Variants in CDK14 observed in about 807,000 individuals in gnomAD.
CDK14 encodes the protein cyclin dependent kinase 14.
A neutral mutation model predicts 60.7 loss-of-function variants in CDK14; 34 were observed. The ratio of observed to expected loss-of-function variants is 0.56; its 90% confidence interval spans 0.43 to 0.75. The LOEUF (loss-of-function observed/expected upper bound fraction) is 0.75. CDK14 is among the 30% of genes least tolerant of loss of function. The probability of loss-of-function intolerance (pLI) is 0.00; values close to 1 mark genes in which losing one functional copy is unlikely to be tolerated. For missense variants in CDK14, 482 were observed against 564.1 expected (o/e 0.85, Z 1.47); for synonymous variants, 197 against 203.7 (o/e 0.97, Z 0.28).
rs374092657 is a variant in CDK14 at position 91,086,573 on chromosome 7, A to G, written c.1154+7093A>G. ...AGGCTCAGCTTCCTGTTCATCACAT[A>G]TGAGATGCTATTGAGAGGGGCTCCA... On this transcript the variant is annotated intron_variant, in intron 12 of 14. Coordinates refer to ENST00000380050, the MANE Select transcript of CDK14 (RefSeq NM_001287135.2). Among the ~76,000 whole-genome samples, 4 of 152,064 alleles carry G rather than the reference A, an allele frequency of 2.6e-5. No homozygotes were observed. In the South Asian group the frequency reaches 6.2e-4, roughly 24 times the overall value.
chr7:90,711,882 A>ACTTTTTT lies in CDK14; in HGVS notation c.124-14685_124-14684insCTTTTTT, dbSNP rs1408956904. On this transcript the variant is annotated intron_variant, in intron 2 of 14. Transcript: ENST00000380050. Reference sequence around the variant, plus strand: ...GTTCTTATGGAACTTATAGTCTACTATGTTTTTTTTTTTTTTTTTCAATTG... The same window carrying ACTTTTTT: ...GTTCTTATGGAACTTATAGTCTACTACTTTTTTTGTTTTTTTTTTTTTTTTTCAATTG... Among the ~76,000 whole-genome samples the ACTTTTTT allele has an allele frequency of 2.7e-5, 3 of 110,820 alleles. 1 individual carries two copies. Among genetic ancestry groups the ACTTTTTT allele is most frequent in the African/African-American group, 6.7e-5 (2 of 29,952 alleles). The allele number at this position is 110,820 out of a possible 152,430, so 72.7% of individuals were successfully genotyped here. A position where few individuals can be genotyped will look rare whatever the true frequency, so the allele number is the denominator to read the frequency against.
At chr7:91,105,361 T>C (rs183784323) in intron 12 of CDK14, among the ~76,000 whole-genome samples, 3 of 152,340 alleles carry the variant, frequency 2.0e-5, no homozygotes, top group East Asian at 1.9e-4. Context: ...GCCCCAGTAA[T>C]GGACTCAGAA....
chr7:90,893,972 T>C (rs964903295), intron 6 of CDK14, among the ~76,000 whole-genome samples: 1 of 152,186 alleles, frequency 6.6e-6, no homozygotes, highest in African/African-American at 2.4e-5. Flanking sequence ...AGAACACATA[T>C]GTAAAGATTA....
intron 2 of CDK14, among the ~76,000 whole-genome samples, chr7:90,659,160 G>A (rs1025693720): frequency 2.0e-5 from 3 of 152,148 alleles, no homozygotes; most frequent in Admixed American, 6.5e-5. Context: ...AAACCTATAC[G>A]TTGGTTGGTC....
intron 11 of CDK14, among the ~76,000 whole-genome samples, chr7:91,072,876 A>T (rs1047932366): frequency 6.6e-6 from 1 of 152,042 alleles, no homozygotes; most frequent in Non-Finnish European, 1.5e-5. Flanking sequence ...AAGCATACAC[A>T]AGTATCAATA....
rs1478352919 is a variant in CDK14, at chr7:90,812,720, T to TTAC, written c.544+22070_544+22072dup. ...GAAAATTAAAAACCACAGTGAGCTA[T>TTAC]TACTGCACACCCAGTATAACGGTTA... On this transcript the variant is annotated intron_variant, in intron 5 of 14. Transcript: ENST00000380050. Among the ~76,000 whole-genome samples, 7 of 152,312 alleles carry TTAC rather than the reference T, an allele frequency of 4.6e-5. No individual in the cohort carries two copies. The South Asian group carries it at 1.5e-3, about 32-fold the overall frequency.
intron 11 of CDK14, among the ~76,000 whole-genome samples, chr7:91,049,445 C>G (rs978440478): frequency 6.6e-6 from 1 of 152,080 alleles, no homozygotes; most frequent in Non-Finnish European, 1.5e-5. Flanking sequence ...CAGTCTTGAA[C>G]TCTTGATCTC....
At chr7:90,887,923 T>A (rs1417962120) in intron 6 of CDK14, among the ~76,000 whole-genome samples, 3 of 152,210 alleles carry the variant, frequency 2.0e-5, no homozygotes, top group South Asian at 4.1e-4. Flanking sequence ...CTTTATACAT[T>A]TTGTAATACT....
At chr7:91,140,516 T>C (rs1016245115) in intron 14 of CDK14, among the ~76,000 whole-genome samples, 2 of 152,198 alleles carry the variant, frequency 1.3e-5, no homozygotes, top group African/African-American at 4.8e-5. Context: ...AGCATCAGTT[T>C]TGTTGGTGGT....
intron 14 of CDK14, among the ~76,000 whole-genome samples, chr7:91,139,368 ATG>A (rs1800375752): frequency 6.6e-6 from 1 of 152,182 alleles, no homozygotes; most frequent in Admixed American, 6.5e-5. Context: ...TTTCAACTGT[ATG>A]TGTGCATGTG....
rs536262451 is a variant in CDK14 at position 91,048,617 on chromosome 7, C to T, written c.1105+2657C>T. 4.6e-5 allele frequency among the ~76,000 whole-genome samples: 7 copies of T among 152,336 alleles called. No homozygotes were observed. In the South Asian group the frequency reaches 1.5e-3, roughly 32 times the overall value. On this transcript the variant is annotated intron_variant, in intron 11 of 14. Transcript: ENST00000380050. Reference sequence around the variant, plus strand: ...TCCAAAGGGGTAGTATCTGTTGTCTCTGTTGCCAGAATACAGGAGAATACT... The same window carrying T: ...TCCAAAGGGGTAGTATCTGTTGTCTTTGTTGCCAGAATACAGGAGAATACT...
chr7:90,746,550 G>C (rs1302194565), intron 3 of CDK14, among the ~76,000 whole-genome samples: 2 of 152,020 alleles, frequency 1.3e-5, no homozygotes. Context: ...TCTTTAATAA[G>C]ATATTTTTCA....
At chr7:91,032,932 A>G (rs1247483318) in intron 10 of CDK14, among the ~76,000 whole-genome samples, 1 of 152,232 alleles carries the variant, frequency 6.6e-6, no homozygotes, top group Admixed American at 6.5e-5. Flanking sequence ...GTCGTATTTA[A>G]TTTTGATGTA....
intron 11 of CDK14, among the ~76,000 whole-genome samples, chr7:91,063,254 A>T (rs141979090): frequency 6.6e-6 from 1 of 152,214 alleles, no homozygotes; most frequent in East Asian, 1.9e-4. Flanking sequence ...CAAATGCATG[A>T]CTATGGAATA....
chr7:90,645,400 G>C (rs1231485563), intron 2 of CDK14, among the ~76,000 whole-genome samples: 2 of 152,044 alleles, frequency 1.3e-5, no homozygotes, highest in African/African-American at 4.8e-5. Flanking sequence ...TCTCTAAAGA[G>C]ACTTGTTAGT....
chr7:91,200,480 G>T (rs1802679261), intron 14 of CDK14, among the ~76,000 whole-genome samples: 2 of 152,088 alleles, frequency 1.3e-5, no homozygotes, highest in African/African-American at 4.8e-5. Context: ...TTGTAAGTTT[G>T]TTTTTTTCTT....
chr7:91,122,162 T>C (rs1330227885), intron 14 of CDK14, among the ~76,000 whole-genome samples: 1 of 152,236 alleles, frequency 6.6e-6, no homozygotes, highest in Non-Finnish European at 1.5e-5. Flanking sequence ...GTCTAGTGCA[T>C]GAAAGAATTT....
chr7:90,930,529 CTT>C (rs61187542), intron 8 of CDK14, among the ~76,000 whole-genome samples: 5 of 81,378 alleles, frequency 6.1e-5, no homozygotes, highest in South Asian at 4.4e-4. Context: ...ACAGGCTAAG[CTT>C]TTTTTTTTTT....
chr7:91,173,598 T>A (rs920046872), intron 14 of CDK14, among the ~76,000 whole-genome samples: 14 of 152,120 alleles, frequency 9.2e-5, no homozygotes, highest in Admixed American at 3.3e-4. Flanking sequence ...AGTGGGTGCA[T>A]GCACCGTGCG....
Sources: gnomAD v4.1 joint callset for allele counts (sites outside exome capture counted in the v4.1 genomes callset) on GRCh38, gnomAD v4.1.1 for gene constraint, MANE v1.5 for transcripts, NCBI Gene and HGNC (gene_info 2026-07-23, HGNC 2026-07-21) for gene names.